Variants in PKHD1 observed in about 807,000 individuals in gnomAD.
PKHD1 encodes the protein PKHD1 ciliary IPT domain containing fibrocystin/polyductin.
A neutral mutation model predicts 412.0 loss-of-function variants in PKHD1; 291 were observed. That is an observed-to-expected ratio of 0.71 (90% CI 0.64 to 0.78). The LOEUF (loss-of-function observed/expected upper bound fraction) is 0.78. Among genes scored for constraint, PKHD1 ranks in the 30% least tolerant of loss-of-function variants. The probability of loss-of-function intolerance (pLI) is 0.00; values close to 1 mark genes in which losing one functional copy is unlikely to be tolerated. For synonymous variants in PKHD1, 1,777 were observed against 1,821.5 expected (o/e 0.98, Z 0.62); for missense variants, 4,825 against 4,950.7 (o/e 0.97, Z 0.76).
At chr6:51,707,247 T>C (rs767933520) in intron 60 of PKHD1, among the ~76,000 whole-genome samples, 7 of 152,114 alleles carry the variant, frequency 4.6e-5, no homozygotes, top group Non-Finnish European at 8.8e-5. Context: ...TCCATCAGCA[T>C]CTTCACTCAT....
At chr6:51,793,924 C>T (rs921839497) in intron 52 of PKHD1, among the ~76,000 whole-genome samples, 2 of 152,094 alleles carry the variant, frequency 1.3e-5, no homozygotes, top group Non-Finnish European at 2.9e-5. Context: ...GTATTTCTGC[C>T]TCTAGGTCTT....
At chr6:51,927,514 C>T (rs1481941746) in intron 37 of PKHD1, among the ~76,000 whole-genome samples, 1 of 152,202 alleles carries the variant, frequency 6.6e-6, no homozygotes, top group East Asian at 1.9e-4. Context: ...GATGAGCCAT[C>T]AGCCTGGGTG....
At chr6:51,715,170 C>CT (rs1001126384) in intron 60 of PKHD1, among the ~76,000 whole-genome samples, 1 of 151,782 alleles carries the variant, frequency 6.6e-6, no homozygotes, top group African/African-American at 2.4e-5. Context: ...AATTGTCTCT[C>CT]TTTTTTTTCT....
intron 29 of PKHD1, among the ~76,000 whole-genome samples, chr6:52,029,391 G>A (rs1194898188): frequency 6.6e-6 from 1 of 152,030 alleles, no homozygotes; most frequent in Non-Finnish European, 1.5e-5. Context: ...TGCTGCAAGG[G>A]GCACAAAATA....
At chr6:51,886,243 G>A (rs1562533235) in intron 44 of PKHD1, among the ~76,000 whole-genome samples, 1 of 152,086 alleles carries the variant, frequency 6.6e-6, no homozygotes. Flanking sequence ...AAGTTTAATT[G>A]CTCTCTCTAT....
At chr6:51,978,593 A>G (rs1794756210) in intron 35 of PKHD1, among the ~76,000 whole-genome samples, 1 of 152,188 alleles carries the variant, frequency 6.6e-6, no homozygotes, top group Non-Finnish European at 1.5e-5. Flanking sequence ...TTTAAGATTA[A>G]ACAGTTTATG....
At chr6:51,634,959 A>T (rs1768344155) in intron 64 of PKHD1, among the ~76,000 whole-genome samples, 1 of 152,142 alleles carries the variant, frequency 6.6e-6, no homozygotes, top group Non-Finnish European at 1.5e-5. Context: ...GTCTAGCTCT[A>T]TCACCCAAAC....
At chr6:52,067,192 T>A (rs1809868167) in intron 11 of PKHD1, among the ~76,000 whole-genome samples, 1 of 152,180 alleles carries the variant, frequency 6.6e-6, no homozygotes, top group Non-Finnish European at 1.5e-5. Context: ...GATTGATCCC[T>A]TACACTCAGA....
chr6:52,018,116 T>C (rs1466409400), intron 33 of PKHD1, among the ~76,000 whole-genome samples: 1 of 152,244 alleles, frequency 6.6e-6, no homozygotes, highest in Non-Finnish European at 1.5e-5. Context: ...CATTACTACA[T>C]ATAACTATTG....
At chr6:51,884,404 C>A (rs1051753325) in intron 45 of PKHD1, among the ~76,000 whole-genome samples, 6 of 152,108 alleles carry the variant, frequency 3.9e-5, no homozygotes, top group Non-Finnish European at 8.8e-5. Context: ...TGCCCATATA[C>A]CACACTGTCT....
chr6:51,966,563 A>C (rs1792840262), intron 35 of PKHD1, among the ~76,000 whole-genome samples: 1 of 152,136 alleles, frequency 6.6e-6, no homozygotes, highest in Non-Finnish European at 1.5e-5. Context: ...TTCCACTTAA[A>C]GTTTAATTAA....
At chr6:51,682,175 T>C (rs2150570001) in intron 60 of PKHD1, 1 of 454,672 alleles carries the variant, frequency 2.2e-6, no homozygotes, top group Non-Finnish European at 4.4e-6. Flanking sequence ...TCCGAACATA[T>C]ATACTATCTC....
intron 51 of PKHD1, among the ~76,000 whole-genome samples, chr6:51,831,807 C>A (rs1768301436): frequency 6.6e-6 from 1 of 152,174 alleles, no homozygotes; most frequent in African/African-American, 2.4e-5. Context: ...TTCTTTTCAA[C>A]CATTCTGCTA....
chr6:52,079,300 C>T (rs959919745), intron 5 of PKHD1, among the ~76,000 whole-genome samples: 1 of 152,150 alleles, frequency 6.6e-6, no homozygotes, highest in African/African-American at 2.4e-5. Flanking sequence ...TTTGATCTCC[C>T]TGAGCATGAA....
At position 51,858,308 on chromosome 6, in the gene PKHD1, G is replaced by A. The variant is rs535605645; in HGVS notation, c.7734-2238C>T. Among the ~76,000 whole-genome samples the A allele has an allele frequency of 1.2e-3, 187 of 152,154 alleles. 1 individual carries two copies. The highest frequency in any genetic ancestry group is 3.9e-3 in the African/African-American group (161 of 41,502). Reference sequence around the variant, plus strand: ...TAGCCATTTGCGCTCAGTCATCATGGCTCTCTCTTCCCCTGATGGAAACCA... The same window carrying A: ...TAGCCATTTGCGCTCAGTCATCATGACTCTCTCTTCCCCTGATGGAAACCA... On this transcript the variant is annotated intron_variant, in intron 48 of 66. Transcript: ENST00000371117.
At chr6:51,669,440 T>C (rs1414925568) in intron 60 of PKHD1, among the ~76,000 whole-genome samples, 2 of 137,852 alleles carry the variant, frequency 1.5e-5, no homozygotes, top group African/African-American at 5.0e-5. Context: ...TCTCTCTTTT[T>C]TTCTTTATTA....
chr6:51,810,285 G>A (rs2397067), intron 52 of PKHD1, among the ~76,000 whole-genome samples: 90,742 of 151,804 alleles, frequency 0.6, 27,520 homozygotes, highest in East Asian at 0.78. Flanking sequence ...TACTGTAATT[G>A]TTAACTCTTG....
intron 61 of PKHD1, among the ~76,000 whole-genome samples, chr6:51,655,538 T>C (rs765939735): frequency 1.3e-5 from 2 of 152,122 alleles, no homozygotes; most frequent in African/African-American, 4.8e-5. Flanking sequence ...ACTGTTTTCA[T>C]GGCCCAAAAT....
At chr6:51,918,537 T>C (rs1477943631) in intron 37 of PKHD1, among the ~76,000 whole-genome samples, 4 of 152,228 alleles carry the variant, frequency 2.6e-5, no homozygotes, top group Non-Finnish European at 4.4e-5. Flanking sequence ...TCCTTTTTTA[T>C]GGCTGCATAG....
Sources: gnomAD v4.1 joint callset for allele counts (sites outside exome capture counted in the v4.1 genomes callset) on GRCh38, gnomAD v4.1.1 for gene constraint, MANE v1.5 for transcripts, NCBI Gene and HGNC (gene_info 2026-07-23, HGNC 2026-07-21) for gene names.